GNG12: variants seen among roughly 807,000 people sequenced by gnomAD.
GNG12 encodes G protein subunit gamma 12.
For missense variants in GNG12, 69 were observed against 83.8 expected, an observed-to-expected ratio of 0.82 and a Z score of 0.69; for synonymous variants, 28 against 29.7, an observed-to-expected ratio of 0.94 and a Z score of 0.19.
At chr1:67,735,576 T>C (rs139741834) in intron 2 of GNG12, among the ~76,000 whole-genome samples, 4 of 152,352 alleles carry the variant, frequency 2.6e-5, no homozygotes, top group African/African-American at 9.6e-5. Context: ...GAAATGCATA[T>C]GTAAAGTGCT....
At chr1:67,759,170 T>C (rs1646587806) in intron 2 of GNG12, among the ~76,000 whole-genome samples, 1 of 152,112 alleles carries the variant, frequency 6.6e-6, no homozygotes, top group Non-Finnish European at 1.5e-5. Flanking sequence ...TATACAACAA[T>C]AAAAAATGTT....
intron 2 of GNG12, among the ~76,000 whole-genome samples, chr1:67,719,973 G>C (rs180812327): frequency 2.6e-5 from 4 of 152,182 alleles, no homozygotes; most frequent in Non-Finnish European, 4.4e-5. Flanking sequence ...CCTGAGTCTC[G>C]CACCCTGGGT....
intron 2 of GNG12, among the ~76,000 whole-genome samples, chr1:67,755,278 G>C (rs778519281): frequency 6.6e-6 from 1 of 152,208 alleles, no homozygotes; most frequent in African/African-American, 2.4e-5. Flanking sequence ...GAGATGGTAA[G>C]TTCCCTTTGG....
chr1:67,774,544 C>T (rs1330731762), intron 2 of GNG12, among the ~76,000 whole-genome samples: 2 of 152,152 alleles, frequency 1.3e-5, no homozygotes, highest in Non-Finnish European at 1.5e-5. Context: ...CCTGGGCCAA[C>T]CCATCAAGTC....
chr1:67,744,903 A>G (rs1394617164), intron 2 of GNG12, among the ~76,000 whole-genome samples: 1 of 152,194 alleles, frequency 6.6e-6, no homozygotes, highest in East Asian at 1.9e-4. Flanking sequence ...AGTAGTGGCT[A>G]AGTTCACAGG....
intron 2 of GNG12, among the ~76,000 whole-genome samples, chr1:67,735,204 C>A (rs146370173): frequency 2.4e-4 from 36 of 152,282 alleles, no homozygotes; most frequent in African/African-American, 8.7e-4. Flanking sequence ...GGTTCCATGC[C>A]ATGTATTTTG....
At chr1:67,814,624 C>G (rs1259378117) in intron 1 of GNG12, among the ~76,000 whole-genome samples, 1 of 152,222 alleles carries the variant, frequency 6.6e-6, no homozygotes, top group Admixed American at 6.5e-5. Flanking sequence ...ACTTTCTGTC[C>G]TCTTGTAGAT....
intron 2 of GNG12, among the ~76,000 whole-genome samples, chr1:67,734,554 T>G (rs1455956693): frequency 6.6e-6 from 1 of 151,956 alleles, no homozygotes; most frequent in South Asian, 2.1e-4. Context: ...ACCTAGGGAG[T>G]AGCAGATATG....
intron 1 of GNG12, among the ~76,000 whole-genome samples, chr1:67,830,131 G>A (rs1297911246): frequency 2.0e-5 from 3 of 150,444 alleles, no homozygotes; most frequent in African/African-American, 7.3e-5. Context: ...TCAGCATCCC[G>A]AGTAGCTGGG....
At chr1:67,774,779 T>C (rs1646694577) in intron 2 of GNG12, among the ~76,000 whole-genome samples, 1 of 152,198 alleles carries the variant, frequency 6.6e-6, no homozygotes, top group East Asian at 1.9e-4. Context: ...TGTCAACAGT[T>C]GATAATAGCA....
intron 1 of GNG12, among the ~76,000 whole-genome samples, chr1:67,805,370 G>A (rs983531214): frequency 2.6e-5 from 4 of 152,138 alleles, no homozygotes; most frequent in Admixed American, 6.5e-5. Flanking sequence ...GAAATTGCAG[G>A]AATGCTGAAT....
At chr1:67,786,323 G>A (rs767712923) in intron 1 of GNG12, among the ~76,000 whole-genome samples, 2 of 152,092 alleles carry the variant, frequency 1.3e-5, no homozygotes, top group Non-Finnish European at 2.9e-5. Context: ...TAGCTGTTTC[G>A]TGTCTATTTC....
At chr1:67,766,759 C>G (rs1646642798) in intron 2 of GNG12, among the ~76,000 whole-genome samples, 1 of 152,104 alleles carries the variant, frequency 6.6e-6, no homozygotes, top group Non-Finnish European at 1.5e-5. Context: ...TGCCTGCCCT[C>G]CCTTCCTGCA....
At chr1:67,821,720 G>GA (rs1646985553) in intron 1 of GNG12, among the ~76,000 whole-genome samples, 1 of 151,854 alleles carries the variant, frequency 6.6e-6, no homozygotes, top group Non-Finnish European at 1.5e-5. Flanking sequence ...AGCGGCCATA[G>GA]AAAAACTAAC....
intron 2 of GNG12, among the ~76,000 whole-genome samples, chr1:67,714,068 G>T (rs1646311152): frequency 1.3e-5 from 2 of 152,226 alleles, no homozygotes; most frequent in Non-Finnish European, 2.9e-5. Flanking sequence ...GGCTGCAGAT[G>T]TGTTTGGTTG....
At chr1:67,724,431 C>G (rs145426158) in intron 2 of GNG12, among the ~76,000 whole-genome samples, 1,853 of 152,294 alleles carry the variant, frequency 0.012, 32 homozygotes, top group African/African-American at 0.043. Flanking sequence ...CACTCTGTCG[C>G]CAGGCTGGAG....
intron 2 of GNG12, among the ~76,000 whole-genome samples, chr1:67,765,821 C>G (rs995145741): frequency 1.6e-4 from 24 of 152,118 alleles, no homozygotes; most frequent in African/African-American, 4.1e-4. Flanking sequence ...TTTAGGATCT[C>G]TAATACATAT....
intron 1 of GNG12, among the ~76,000 whole-genome samples, chr1:67,821,070 A>C (rs1646981987): frequency 6.6e-6 from 1 of 152,134 alleles, no homozygotes; most frequent in South Asian, 2.1e-4. Flanking sequence ...CAATTCTAAG[A>C]AGCATATTTT....
intron 1 of GNG12, among the ~76,000 whole-genome samples, chr1:67,785,050 C>T (rs893397687): frequency 6.6e-6 from 1 of 152,148 alleles, no homozygotes; most frequent in Admixed American, 6.5e-5. Context: ...CCCTCTTTCT[C>T]TGAGTCACAG....
Sources: allele counts gnomAD v4.1 joint callset (sites outside exome capture counted in the v4.1 genomes callset), GRCh38; gene constraint gnomAD v4.1.1; transcripts MANE v1.5; gene names NCBI Gene and HGNC (gene_info 2026-07-23, HGNC 2026-07-21).